The following CSMD1 variants were observed in gnomAD, a reference collection of about 807,000 sequenced individuals.
The protein encoded by CSMD1 is CUB and sushi domain-containing protein 1.
A neutral mutation model predicts 417.5 loss-of-function variants in CSMD1; 213 were observed. The observed-to-expected ratio is 0.51, with a 90% CI of 0.46 to 0.57. CSMD1 has a LOEUF of 0.57. CSMD1 is among the 20% of genes least tolerant of loss of function. CSMD1 has a pLI of 0.00. For missense variants in CSMD1, 6,923 were observed against 4,529.7 expected, an observed-to-expected ratio of 1.53 and a Z score of -15.17; for synonymous variants, 2,862 against 1,736.8, an observed-to-expected ratio of 1.65 and a Z score of -16.11.
intron 2 of CSMD1, among the ~76,000 whole-genome samples, chr8:4,566,908 T>A (rs1196940143): frequency 2.6e-5 from 4 of 152,202 alleles, no homozygotes; most frequent in Admixed American, 1.3e-4. Flanking sequence ...TGAGAAAAAG[T>A]CAATTCAGGA....
chr8:3,693,907 TTG>T (rs1054886294), intron 7 of CSMD1, among the ~76,000 whole-genome samples: 4 of 150,298 alleles, frequency 2.7e-5, no homozygotes, highest in East Asian at 2.0e-4. Context: ...TGTTGGCGTC[TTG>T]TGTGTGTGTG....
rs1190884863 is a variant in CSMD1 at position 4,224,360 on chromosome 8, T to C, written c.416-192261A>G. ...GGCAGCCTTAGGTACATGTACGATG[T>C]TGCGCAACAGCACATATTTTGATGC... On this transcript the variant is annotated intron_variant, in intron 3 of 69. Transcript: ENST00000635120. Among the ~76,000 whole-genome samples, 7 of 152,192 alleles carry C rather than the reference T, an allele frequency of 4.6e-5. No individual in the cohort carries two copies. In the South Asian group the frequency reaches 1.0e-3, roughly 22 times the overall value.
At chr8:3,243,414 AAG>A (rs1799673511) in intron 26 of CSMD1, among the ~76,000 whole-genome samples, 1 of 149,958 alleles carries the variant, frequency 6.7e-6, no homozygotes. Flanking sequence ...TGAGTCCGAA[AAG>A]AGAGTCACTG....
chr8:3,966,599 G>A (rs951502250), intron 5 of CSMD1, among the ~76,000 whole-genome samples: 2 of 152,006 alleles, frequency 1.3e-5, no homozygotes, highest in Non-Finnish European at 2.9e-5. Flanking sequence ...TTTTTGGCAT[G>A]CACTACTCAT....
At chr8:3,267,154 T>A (rs1273745980) in intron 26 of CSMD1, among the ~76,000 whole-genome samples, 1 of 151,968 alleles carries the variant, frequency 6.6e-6, no homozygotes, top group East Asian at 1.9e-4. Context: ...CCAGCGGGAA[T>A]GTCTGCTGGA....
intron 5 of CSMD1, among the ~76,000 whole-genome samples, chr8:3,827,393 A>G (rs757834608): frequency 1.3e-5 from 2 of 152,214 alleles, no homozygotes; most frequent in Admixed American, 6.5e-5. Flanking sequence ...CTGTACTTAG[A>G]TATCAAATAC....
intron 4 of CSMD1, among the ~76,000 whole-genome samples, chr8:3,998,894 A>G (rs1563301564): frequency 6.7e-6 from 1 of 149,566 alleles, no homozygotes. Context: ...CATATAATCT[A>G]TATGGTAGTT....
At chr8:3,390,225 G>C (rs971417029) in intron 17 of CSMD1, among the ~76,000 whole-genome samples, 2 of 151,614 alleles carry the variant, frequency 1.3e-5, no homozygotes, top group African/African-American at 2.4e-5. Flanking sequence ...TGTGGTGGTG[G>C]GCACCTGGAA....
intron 1 of CSMD1, among the ~76,000 whole-genome samples, chr8:4,774,510 C>G (rs1458828348): frequency 6.6e-6 from 1 of 152,042 alleles, no homozygotes; most frequent in Non-Finnish European, 1.5e-5. Context: ...AAATAAAGTA[C>G]TTTATAAAAA....
intron 5 of CSMD1, among the ~76,000 whole-genome samples, chr8:3,974,956 T>A (rs894269754): frequency 6.6e-6 from 1 of 152,210 alleles, no homozygotes; most frequent in African/African-American, 2.4e-5. Context: ...AACTAACACC[T>A]GTTAAGAATC....
chr8:4,250,719 C>T (rs1803008296), intron 3 of CSMD1, among the ~76,000 whole-genome samples: 1 of 152,046 alleles, frequency 6.6e-6, no homozygotes, highest in Admixed American at 6.6e-5. Flanking sequence ...CTTCCTTGAG[C>T]AAATCTAAAG....
intron 22 of CSMD1, among the ~76,000 whole-genome samples, chr8:3,345,417 G>A (rs189612387): frequency 5.3e-5 from 8 of 152,164 alleles, no homozygotes; most frequent in East Asian, 3.9e-4. Flanking sequence ...AGTGTATGTC[G>A]TTGATGAACA....
intron 3 of CSMD1, among the ~76,000 whole-genome samples, chr8:4,416,467 G>A (rs758096954): frequency 3.3e-5 from 5 of 151,810 alleles, no homozygotes; most frequent in African/African-American, 7.3e-5. Flanking sequence ...TAATAAACAC[G>A]TGCATTAAAA....
At chr8:3,504,970 T>C (rs1796762324) in intron 10 of CSMD1, among the ~76,000 whole-genome samples, 1 of 150,998 alleles carries the variant, frequency 6.6e-6, no homozygotes, top group South Asian at 2.1e-4. Context: ...GATTAACCAG[T>C]GCACCAGGGA....
chr8:4,784,816 G>C (rs991080047), intron 1 of CSMD1, among the ~76,000 whole-genome samples: 9 of 152,184 alleles, frequency 5.9e-5, no homozygotes, highest in Non-Finnish European at 2.9e-5. Context: ...GCAAAGCATT[G>C]TGGGTTGGCA....
intron 3 of CSMD1, among the ~76,000 whole-genome samples, chr8:4,050,883 G>T (rs140920847): frequency 6.6e-6 from 1 of 152,048 alleles, no homozygotes; most frequent in Non-Finnish European, 1.5e-5. Flanking sequence ...AATACTCCCA[G>T]ATTAAAAATA....
chr8:4,422,293 T>C (rs62481000), intron 2 of CSMD1, among the ~76,000 whole-genome samples: 31,569 of 151,966 alleles, frequency 0.21, 3,857 homozygotes, highest in African/African-American at 0.34. Context: ...TTTTGTGGCA[T>C]TGACACTACC....
chr8:4,756,841 G>A (rs1239278628), intron 1 of CSMD1, among the ~76,000 whole-genome samples: 1 of 152,164 alleles, frequency 6.6e-6, no homozygotes, highest in African/African-American at 2.4e-5. Flanking sequence ...GTATAACACA[G>A]TGACTGAAAA....
chr8:4,425,765 C>A (rs1374759918), intron 2 of CSMD1, among the ~76,000 whole-genome samples: 1 of 152,260 alleles, frequency 6.6e-6, no homozygotes, highest in African/African-American at 2.4e-5. Context: ...CAATAATCCA[C>A]ACAGGTGTCT....
Sources: gnomAD v4.1 joint callset for allele counts (sites outside exome capture counted in the v4.1 genomes callset) on GRCh38, gnomAD v4.1.1 for gene constraint, MANE v1.5 for transcripts, NCBI Gene and HGNC (gene_info 2026-07-23, HGNC 2026-07-21) for gene names.